RSPH6A: variants seen among roughly 807,000 people sequenced by gnomAD.
RSPH6A encodes the protein radial spoke head protein 6 homolog A.
RSPH6A carries 49 observed loss-of-function variants against 66.1 expected under a neutral mutation model. That is an observed-to-expected ratio of 0.74 (90% confidence interval 0.59 to 0.94). The LOEUF (loss-of-function observed/expected upper bound fraction) is 0.94, where lower values mean the gene tolerates loss of function less well. Ranked by LOEUF, RSPH6A falls within the 40% of genes least tolerant of loss-of-function variation. The probability of loss-of-function intolerance (pLI) is 0.00; values close to 1 mark genes in which losing one functional copy is unlikely to be tolerated. For synonymous variants in RSPH6A, 419 were observed against 402.4 expected (o/e 1.04, Z -0.49); for missense variants, 977 against 948.3 (o/e 1.03, Z -0.40).
intron 4 of RSPH6A, 136 bp from the exon 5 acceptor site, chr19:45,800,699 C>T (rs1230870865): frequency 1.3e-5 from 8 of 600,506 alleles, no homozygotes; most frequent in Non-Finnish European, 2.3e-5. Context: ...ACCAACAGCT[C>T]GGGCTGCGGT....
At chr19:45,802,054 G>T in intron 4 of RSPH6A, 66 bp downstream of exon 4, 2 of 1,335,660 alleles carry the variant, frequency 1.5e-6, no homozygotes, top group Non-Finnish European at 1.9e-6. Context: ...CAGCAGTCCA[G>T]CCACCCCTCC....
intron 1 of RSPH6A, among the ~76,000 whole-genome samples, chr19:45,812,843 T>C (rs1302980330): frequency 1.3e-5 from 2 of 151,976 alleles, no homozygotes; most frequent in Non-Finnish European, 2.9e-5. Context: ...CACAGGCGTG[T>C]GCCACCACGC....
intron 3 of RSPH6A, among the ~76,000 whole-genome samples, chr19:45,802,824 CTTT>C (rs759185798): frequency 2.3e-5 from 3 of 130,728 alleles, no homozygotes; most frequent in Non-Finnish European, 3.3e-5. Flanking sequence ...TGATTCTTTT[CTTT>C]TTTTTTTTTG....
At chr19:45,812,084 ATTTGTATTT>A (rs1970637572) in intron 1 of RSPH6A, among the ~76,000 whole-genome samples, 1 of 123,690 alleles carries the variant, frequency 8.1e-6, no homozygotes, top group South Asian at 2.5e-4. Context: ...CCTGGCCAAC[ATTTGTATTT>A]TTTGTATTTT....
chr19:45,807,712 T>C (rs925288238), intron 2 of RSPH6A, among the ~76,000 whole-genome samples: 1 of 152,048 alleles, frequency 6.6e-6, no homozygotes, highest in Non-Finnish European at 1.5e-5. Flanking sequence ...GGTTTCACCA[T>C]GTTGGCCATG....
intron 3 of RSPH6A, 137 bp from the exon 4 acceptor site, chr19:45,802,401 G>A (rs543880971): frequency 4.4e-5 from 28 of 638,972 alleles, no homozygotes; most frequent in Middle Eastern, 4.7e-4. Context: ...AGATTTAGCC[G>A]CACAGCTAAG....
chr19:45,811,273 T>A (rs1970624601), intron 1 of RSPH6A, among the ~76,000 whole-genome samples: 1 of 152,064 alleles, frequency 6.6e-6, no homozygotes, highest in Admixed American at 6.6e-5. Context: ...ATTACAGGCG[T>A]GAGCCACCGC....
At chr19:45,800,774 A>T (rs34759281) in intron 4 of RSPH6A, among the ~76,000 whole-genome samples, 69,110 of 103,582 alleles carry the variant, frequency 0.67, 21,473 homozygotes, top group Non-Finnish European at 0.7. Flanking sequence ...ACACACACAC[A>T]CTCTCTCTCT....
intron 2 of RSPH6A, among the ~76,000 whole-genome samples, chr19:45,807,611 A>G (rs1003954563): frequency 2.0e-5 from 3 of 151,854 alleles, no homozygotes; most frequent in African/African-American, 7.3e-5. Flanking sequence ...CCAGGATTCA[A>G]GCGATTCTTC....
chr19:45,813,871 C>T (rs566109196), intron 1 of RSPH6A, among the ~76,000 whole-genome samples: 9 of 152,104 alleles, frequency 5.9e-5, no homozygotes, highest in African/African-American at 1.7e-4. Context: ...ATAAGAGGGT[C>T]TCAGGAGGGC....
At chr19:45,800,700 G>A in intron 4 of RSPH6A, 137 bp from the exon 5 acceptor site, 1 of 604,678 alleles carries the variant, frequency 1.7e-6, no homozygotes, top group Non-Finnish European at 2.9e-6. Flanking sequence ...CCAACAGCTC[G>A]GGCTGCGGTG....
chr19:45,800,051 C>CAAACA (rs879501213), intron 5 of RSPH6A, among the ~76,000 whole-genome samples: 1 of 152,112 alleles, frequency 6.6e-6, no homozygotes, highest in Admixed American at 6.6e-5. Flanking sequence ...GACTCCATCT[C>CAAACA]AAACAAAACA....
At position 45,795,862 on chromosome 19, in the gene RSPH6A, G is replaced by A. The variant is rs1970401662; in HGVS notation, c.*7C>T. ...CCTGCTTGGGGAAAGTGGCTAGAGG[G>A]TGGGCCTCAGTCATCTGTCTCCTCG... is the stretch of plus-strand genomic sequence containing the variant. On this transcript the variant is annotated 3_prime_UTR_variant, in exon 6 of 6. Transcript: ENST00000221538. 1 of 1,411,474 alleles carries A rather than the reference G, an allele frequency of 7.1e-7. No individual in the cohort carries two copies. Among genetic ancestry groups the A allele is most frequent in the African/African-American group, 1.5e-5 (1 of 66,510 alleles). 87.4% of individuals were successfully genotyped at this position (1,411,474 alleles called of 1,614,324 possible).
chr19:45,806,344 A>G (rs1183462871), intron 2 of RSPH6A, among the ~76,000 whole-genome samples: 1 of 152,106 alleles, frequency 6.6e-6, no homozygotes. Flanking sequence ...AGGCTCAGAA[A>G]GGGACTGAAG....
intron 3 of RSPH6A, among the ~76,000 whole-genome samples, chr19:45,802,618 G>C (rs1030558674): frequency 1.4e-5 from 2 of 146,894 alleles, no homozygotes; most frequent in African/African-American, 5.1e-5. Context: ...TGATTCTCCT[G>C]CGTCAGCCTC....
intron 1 of RSPH6A, 100 bp downstream of exon 1, chr19:45,814,427 T>A (rs975709452): frequency 2.7e-6 from 3 of 1,116,964 alleles, no homozygotes; most frequent in Middle Eastern, 3.1e-4. Flanking sequence ...TGGTTTTCCA[T>A]GAGGGATGAT....
Position 45,804,697 on chromosome 19 carries a change from ACGATGTCCACGGC to A in RSPH6A, c.1195_1207del (p.Ala399SerfsTer11), listed in dbSNP as rs1248157362. ...CGGCGGCTTCCATACGGACTTAGGG[ACGATGTCCACGGC>A]CTTCTCCTCGTCCTCCTCGCCCTCC... On this transcript the variant is annotated frameshift_variant, in exon 3 of 6. Transcript: ENST00000221538. LOFTEE classifies it high-confidence loss of function. The surrounding 1 kb of genome is among the most constrained non-coding windows in gnomAD (Gnocchi z 5.8). 6.2e-7 allele frequency: 1 copy of A among 1,612,810 alleles called. No individual in the cohort carries two copies. Among genetic ancestry groups the A allele is most frequent in the Admixed American group, 1.7e-5 (1 of 59,906 alleles).
At chr19:45,800,893 G>T (rs1464367077) in intron 4 of RSPH6A, among the ~76,000 whole-genome samples, 1 of 151,354 alleles carries the variant, frequency 6.6e-6, no homozygotes, top group African/African-American at 2.4e-5. Context: ...TGCCTCCCAG[G>T]TTCAAACGAC....
At chr19:45,803,413 A>G (rs1005128469) in intron 3 of RSPH6A, among the ~76,000 whole-genome samples, 7 of 151,996 alleles carry the variant, frequency 4.6e-5, no homozygotes, top group Non-Finnish European at 1.0e-4. Flanking sequence ...ATGGTGGCTC[A>G]TGCCTGTAAT....
Sources: gnomAD v4.1 joint callset for allele counts (sites outside exome capture counted in the v4.1 genomes callset) on GRCh38, gnomAD v4.1.1 for gene constraint, Gnocchi (gnomAD v3.1) non-coding constraint, MANE v1.5 for transcripts, NCBI Gene and HGNC (gene_info 2026-07-23, HGNC 2026-07-21) for gene names.